The following TMEM132D variants were observed in gnomAD, a reference collection of about 807,000 sequenced individuals.
TMEM132D encodes the protein mature OL transmembrane protein.
Under a neutral mutation model 62.3 loss-of-function variants are expected in TMEM132D, and 21 were observed. The ratio of observed to expected loss-of-function variants is 0.34; its 90% CI spans 0.24 to 0.49. The LOEUF (loss-of-function observed/expected upper bound fraction) is 0.49, where lower values mean the gene tolerates loss of function less well. TMEM132D is among the 20% of genes least tolerant of loss of function. TMEM132D has a pLI of 0.99. For synonymous variants in TMEM132D, 621 were observed against 575.6 expected, an observed-to-expected ratio of 1.08 and a Z score of -1.13; for missense variants, 1,346 against 1,402.8, an observed-to-expected ratio of 0.96 and a Z score of 0.65.
chr12:129,801,152 T>C (rs1028480352), intron 1 of TMEM132D, among the ~76,000 whole-genome samples: 4 of 152,164 alleles, frequency 2.6e-5, no homozygotes, highest in Non-Finnish European at 4.4e-5. Flanking sequence ...GCGCCCGCCA[T>C]TGCCCAGGCT....
chr12:129,575,251 T>C (rs1369609842), intron 2 of TMEM132D, among the ~76,000 whole-genome samples: 1 of 151,860 alleles, frequency 6.6e-6, no homozygotes, highest in Non-Finnish European at 1.5e-5. Context: ...TTTTTGTTAC[T>C]GGTGAGGCTA....
intron 3 of TMEM132D, among the ~76,000 whole-genome samples, chr12:129,416,954 A>G (rs1008474967): frequency 2.0e-5 from 3 of 152,164 alleles, no homozygotes; most frequent in African/African-American, 7.2e-5. Flanking sequence ...CCAGTATTTT[A>G]TTGAGGATTT....
At chr12:129,732,844 G>A (rs1375407212) in intron 1 of TMEM132D, among the ~76,000 whole-genome samples, 5 of 152,216 alleles carry the variant, frequency 3.3e-5, no homozygotes, top group Non-Finnish European at 5.9e-5. Flanking sequence ...GGGGATGGGG[G>A]CTGGGCTGGA....
At chr12:129,411,797 G>A (rs1384885925) in intron 3 of TMEM132D, among the ~76,000 whole-genome samples, 1 of 152,106 alleles carries the variant, frequency 6.6e-6, no homozygotes, top group Non-Finnish European at 1.5e-5. Flanking sequence ...GCTTTCATCG[G>A]CAGTCCGTCT....
chr12:129,599,155 T>A (rs61943510), intron 2 of TMEM132D, among the ~76,000 whole-genome samples: 1 of 152,130 alleles, frequency 6.6e-6, no homozygotes, highest in South Asian at 2.1e-4. Context: ...TTTATGGCTG[T>A]GGCTCTGTTT....
chr12:129,784,545 C>T (rs371984361), intron 1 of TMEM132D, among the ~76,000 whole-genome samples: 14 of 152,236 alleles, frequency 9.2e-5, no homozygotes, highest in African/African-American at 2.9e-4. Context: ...AGCCCATTTT[C>T]GGCATCTGTG....
chr12:129,717,658 G>GA (rs1342540401), intron 1 of TMEM132D, among the ~76,000 whole-genome samples: 1 of 149,258 alleles, frequency 6.7e-6, no homozygotes, highest in African/African-American at 2.4e-5. Flanking sequence ...TGTCTCCCTG[G>GA]AAAAATAATT....
intron 1 of TMEM132D, among the ~76,000 whole-genome samples, chr12:129,879,750 TA>T (rs1302865176): frequency 6.6e-6 from 1 of 152,098 alleles, no homozygotes; most frequent in African/African-American, 2.4e-5. Context: ...ATTTATAGAT[TA>T]AAAATGACTA....
chr12:129,646,284 G>A (rs892761969), intron 2 of TMEM132D, among the ~76,000 whole-genome samples: 2 of 152,070 alleles, frequency 1.3e-5, no homozygotes, highest in African/African-American at 4.8e-5. Flanking sequence ...CTTTCAGCAG[G>A]TATTATTTTA....
intron 5 of TMEM132D, among the ~76,000 whole-genome samples, chr12:129,165,648 G>A (rs1877522635): frequency 2.0e-5 from 3 of 151,602 alleles, no homozygotes; most frequent in African/African-American, 7.3e-5. Context: ...ATAAAAATTT[G>A]GCCATGGGCA....
chr12:129,618,823 G>C (rs1482919993), intron 2 of TMEM132D, among the ~76,000 whole-genome samples: 2 of 152,106 alleles, frequency 1.3e-5, no homozygotes, highest in Non-Finnish European at 2.9e-5. Context: ...AAGGCGGTTG[G>C]GTACAGCTTG....
intron 4 of TMEM132D, among the ~76,000 whole-genome samples, chr12:129,278,864 T>A (rs1881066552): frequency 6.6e-6 from 1 of 152,166 alleles, no homozygotes; most frequent in Non-Finnish European, 1.5e-5. Flanking sequence ...TTTCTTCCTG[T>A]TGTCTGACTC....
In TMEM132D at chr12:129,665,199, G is replaced by T. The variant is rs975788605; in HGVS notation, c.968+34611C>A. On this transcript the variant is annotated intron_variant, in intron 2 of 8. Transcript: ENST00000422113. Reference sequence around the variant, plus strand: ...CAGCTTGGTTGATGGGGAGCAGGTGGGGGGGGCATCTTGGGGGTGGCAATT... The same window carrying T: ...CAGCTTGGTTGATGGGGAGCAGGTGTGGGGGGCATCTTGGGGGTGGCAATT... Among the ~76,000 whole-genome samples the T allele has an allele frequency of 4.0e-5, 6 of 151,320 alleles. No individual in the cohort carries two copies. The South Asian group carries it at 6.2e-4, about 16-fold the overall frequency.
intron 1 of TMEM132D, among the ~76,000 whole-genome samples, chr12:129,739,177 C>A (rs377757548): frequency 6.6e-6 from 1 of 152,184 alleles, no homozygotes; most frequent in Non-Finnish European, 1.5e-5. Context: ...TTATGGATAT[C>A]GGCTCCCGGG....
chr12:129,479,775 G>A (rs1342074093), intron 3 of TMEM132D, among the ~76,000 whole-genome samples: 4 of 148,000 alleles, frequency 2.7e-5, no homozygotes, highest in African/African-American at 7.5e-5. Context: ...CTGTGTCCTA[G>A]AGATTTGAAG....
At chr12:129,412,905 A>G (rs1381303286) in intron 3 of TMEM132D, among the ~76,000 whole-genome samples, 14 of 152,188 alleles carry the variant, frequency 9.2e-5, no homozygotes, top group Admixed American at 8.5e-4. Context: ...TTAGGATGGA[A>G]GAATGGAAAG....
chr12:129,155,885 G>A (rs1301569987), intron 5 of TMEM132D, among the ~76,000 whole-genome samples: 1 of 150,282 alleles, frequency 6.7e-6, no homozygotes, highest in Non-Finnish European at 1.5e-5. Context: ...CACTCCCCCA[G>A]TAACCAACCC....
intron 4 of TMEM132D, among the ~76,000 whole-genome samples, chr12:129,240,619 G>A (rs988401733): frequency 9.2e-5 from 14 of 152,316 alleles, no homozygotes; most frequent in Admixed American, 2.6e-4. Flanking sequence ...AAAGCTTTAT[G>A]ATTTTGAATG....
chr12:129,895,961 CTCTTTTTTTTT>C (rs1875104986), intron 1 of TMEM132D, among the ~76,000 whole-genome samples: 3 of 99,806 alleles, frequency 3.0e-5, no homozygotes, highest in African/African-American at 6.9e-5. Context: ...TTCTCTGTCT[CTCTTTTTTTTT>C]TTTTTTTTTT....
Sources: gnomAD v4.1 joint callset for allele counts (sites outside exome capture counted in the v4.1 genomes callset) on GRCh38, gnomAD v4.1.1 for gene constraint, MANE v1.5 for transcripts, NCBI Gene and HGNC (gene_info 2026-07-23, HGNC 2026-07-21) for gene names.